The following PARD3 variants were observed in gnomAD, a reference collection of about 807,000 sequenced individuals.
PARD3 encodes partitioning defective 3 homolog.
A neutral mutation model predicts 155.4 loss-of-function variants in PARD3; 75 were observed. The observed-to-expected ratio is 0.48, with a 90% confidence interval of 0.40 to 0.58. PARD3 has a LOEUF of 0.58. Ranked by LOEUF, PARD3 falls within the 20% of genes least tolerant of loss-of-function variation. PARD3 has a pLI of 0.00. For missense variants in PARD3, 1,642 were observed against 1,721.7 expected (o/e 0.95, Z 0.82); for synonymous variants, 576 against 610.5 (o/e 0.94, Z 0.83).
At chr10:34,273,988 T>A (rs1201292498) in intron 21 of PARD3, among the ~76,000 whole-genome samples, 1 of 152,172 alleles carries the variant, frequency 6.6e-6, no homozygotes, top group Non-Finnish European at 1.5e-5. Flanking sequence ...TTACCAGAAC[T>A]GGTCACAGCC....
At chr10:34,263,754 G>A (rs1266002083) in intron 22 of PARD3, among the ~76,000 whole-genome samples, 1 of 152,228 alleles carries the variant, frequency 6.6e-6, no homozygotes, top group Non-Finnish European at 1.5e-5. Flanking sequence ...TAGCAGGATT[G>A]TTGGTGGAAA....
rs1841983134 is a variant in PARD3 at position 34,382,773 on chromosome 10, A to G, written c.1166T>C (p.Ile389Thr). The change falls in exon 9 of 25, where the codon ATT (isoleucine) becomes ACT (threonine). Residue 389 changes from isoleucine (I) to threonine (T), a missense_variant. By Grantham distance (89) the Ile-to-Thr change is moderately conservative (BLOSUM62 -1). This residue lies in a region of PARD3 where 1,529 missense variants were observed against 1,587.3 expected (regional missense o/e 0.96). Coordinates refer to ENST00000374788, the MANE Select transcript of PARD3 (RefSeq NM_001184785.2). ...TGCACTGTTCACACTCCTGTTGTCAATATACTGGCTGTCAGGGCTAAAACG... is the reference window on the plus strand; with the variant it reads ...TGCACTGTTCACACTCCTGTTGTCAGTATACTGGCTGTCAGGGCTAAAACG... ...SSRFSPDSQY[I>T]DNRSVNSAGL... 1.9e-6 allele frequency: 3 copies of G among 1,614,062 alleles called. No individual in the cohort carries two copies. The highest frequency in any genetic ancestry group is 1.6e-4 in the Middle Eastern group (1 of 6,084).
chr10:34,435,786 T>A (rs1484727548), intron 5 of PARD3, among the ~76,000 whole-genome samples: 1 of 152,192 alleles, frequency 6.6e-6, no homozygotes, highest in East Asian at 1.9e-4. Context: ...GCACCCCGCT[T>A]TGGGATATAC....
At position 34,231,045 on chromosome 10, in the gene PARD3, A is replaced by G. The variant is rs78103072; in HGVS notation, c.3419+38612T>C. Among the ~76,000 whole-genome samples, 788 of 151,674 alleles carry G rather than the reference A, an allele frequency of 5.2e-3. 14 individuals carry two copies. The highest frequency in any genetic ancestry group is 0.018 in the African/African-American group (749 of 41,246). On this transcript the variant is annotated intron_variant, in intron 22 of 24. Transcript: ENST00000374788. Reference sequence around the variant, plus strand: ...CTGTATCTTAAAAAAGAAAACCCCAACTGAAACTCAGGTTACTCCAGTTGT... The same window carrying G: ...CTGTATCTTAAAAAAGAAAACCCCAGCTGAAACTCAGGTTACTCCAGTTGT...
At chr10:34,605,180 ATTTTTTTT>A (rs750688603) in intron 2 of PARD3, among the ~76,000 whole-genome samples, 7 of 62,430 alleles carry the variant, frequency 1.1e-4, no homozygotes, top group Admixed American at 2.8e-4. Flanking sequence ...CCAAAATGAA[ATTTTTTTT>A]TTTTTTTTTT....
chr10:34,115,334 G>A (rs1946610888), intron 24 of PARD3, among the ~76,000 whole-genome samples: 1 of 152,024 alleles, frequency 6.6e-6, no homozygotes, highest in African/African-American at 2.4e-5. Context: ...AGAAAATGAA[G>A]GGAAACACCA....
chr10:34,403,817 G>A (rs528846106), intron 5 of PARD3, among the ~76,000 whole-genome samples: 1 of 152,314 alleles, frequency 6.6e-6, no homozygotes, highest in African/African-American at 2.4e-5. Context: ...CTTTTCCAAT[G>A]GGAGTGGGTG....
At chr10:34,685,786 G>T (rs1379836879) in intron 2 of PARD3, among the ~76,000 whole-genome samples, 1 of 152,058 alleles carries the variant, frequency 6.6e-6, no homozygotes, top group Non-Finnish European at 1.5e-5. Context: ...TAGAAGCAGG[G>T]TTTCACCATG....
In PARD3 at chr10:34,701,269, T is replaced by C. The variant is rs115096832; in HGVS notation, c.121-4850A>G. On this transcript the variant is annotated intron_variant, in intron 1 of 24. Transcript: ENST00000374788. ...AAAATGAAAGGGTAAAAACATCATATCAAAAAGACACACTTATTTTTATTT... is the reference window on the plus strand; with the variant it reads ...AAAATGAAAGGGTAAAAACATCATACCAAAAAGACACACTTATTTTTATTT... Among the ~76,000 whole-genome samples the C allele has an allele frequency of 9.8e-3, 1,486 of 152,070 alleles. 30 individuals carry two copies. The highest frequency in any genetic ancestry group is 0.034 in the African/African-American group (1,408 of 41,450).
intron 22 of PARD3, among the ~76,000 whole-genome samples, chr10:34,161,054 C>T (rs902081913): frequency 2.6e-5 from 4 of 151,916 alleles, no homozygotes; most frequent in Non-Finnish European, 4.4e-5. Flanking sequence ...CCAGCCTAGG[C>T]AATATAGTGA....
rs78307642 is a variant in PARD3 at position 34,696,270 on chromosome 10, A to C, written c.222+48T>G. On this transcript the variant is annotated intron_variant, in intron 2 of 24. Transcript: ENST00000374788. ...GAATCGCACCCGCTCCCTAGTCCTC[A>C]AAAAAAAAAAATGCATTCAGAACAG... The C allele has an allele frequency of 4.5e-6, 3 of 669,346 alleles. No individual in the cohort carries two copies. The South Asian group carries it at 8.4e-5, about 19-fold the overall frequency. 41.5% of individuals were successfully genotyped at this position (669,346 alleles called of 1,614,324 possible).
chr10:34,570,607 G>T (rs927203699), intron 2 of PARD3, among the ~76,000 whole-genome samples: 1 of 152,190 alleles, frequency 6.6e-6, no homozygotes, highest in Non-Finnish European at 1.5e-5. Flanking sequence ...GGGAATCTGG[G>T]TGCTCTTAAA....
chr10:34,686,682 A>C (rs934077444), intron 2 of PARD3, among the ~76,000 whole-genome samples: 2 of 152,016 alleles, frequency 1.3e-5, no homozygotes, highest in African/African-American at 2.4e-5. Context: ...AGGAGGTTGC[A>C]GTGAACTGTG....
At chr10:34,683,751 G>A (rs1337312528) in intron 2 of PARD3, among the ~76,000 whole-genome samples, 2 of 151,992 alleles carry the variant, frequency 1.3e-5, no homozygotes, top group African/African-American at 2.4e-5. Context: ...CCTACTGCTC[G>A]TGAGGACCCT....
intron 2 of PARD3, among the ~76,000 whole-genome samples, chr10:34,688,366 CCAGA>C (rs1440239777): frequency 1.3e-5 from 2 of 152,174 alleles, no homozygotes; most frequent in African/African-American, 2.4e-5. Flanking sequence ...AAAGACCAAA[CCAGA>C]CAGAGATTCA....
intron 1 of PARD3, among the ~76,000 whole-genome samples, chr10:34,714,774 A>C (rs541946378): frequency 1.8e-5 from 2 of 109,404 alleles, no homozygotes; most frequent in East Asian, 6.2e-4. Flanking sequence ...CACACATCAA[A>C]ATTTTTTTTT....
chr10:34,406,013 C>T (rs1231047611), intron 5 of PARD3, among the ~76,000 whole-genome samples: 1 of 152,144 alleles, frequency 6.6e-6, no homozygotes, highest in African/African-American at 2.4e-5. Context: ...CAACCTCCTC[C>T]TCTTAGATGA....
intron 2 of PARD3, among the ~76,000 whole-genome samples, chr10:34,589,057 C>G (rs1564385725): frequency 6.6e-6 from 1 of 152,142 alleles, no homozygotes; most frequent in African/African-American, 2.4e-5. Context: ...GTCTCTCTCT[C>G]TTTCTACTAT....
intron 2 of PARD3, among the ~76,000 whole-genome samples, chr10:34,606,654 A>G (rs1176588186): frequency 1.3e-5 from 2 of 151,044 alleles, no homozygotes; most frequent in Non-Finnish European, 3.0e-5. Context: ...AAAAAAAAAA[A>G]AAAAAAAAGT....
Sources: gnomAD v4.1 joint callset for allele counts (sites outside exome capture counted in the v4.1 genomes callset) on GRCh38, gnomAD v4.1.1 for gene constraint, gnomAD v4.1.1 regional missense constraint, MANE v1.5 for transcripts, NCBI Gene and HGNC (gene_info 2026-07-23, HGNC 2026-07-21) for gene names.